The following LYRM2 variants were observed in gnomAD, a reference collection of about 807,000 sequenced individuals.
The protein encoded by LYRM2 is LYR motif containing 2.
LYRM2 carries 8 observed loss-of-function variants against 11.6 expected under a neutral mutation model. That is an observed-to-expected ratio of 0.69 (90% CI 0.40 to 1.24). LYRM2 has a LOEUF of 1.24. Ranked by LOEUF, LYRM2 falls within the 50% of genes most tolerant of loss-of-function variation. LYRM2 has a pLI of 0.01. For synonymous variants in LYRM2, 30 were observed against 36.4 expected (o/e 0.83, Z 0.63); for missense variants, 117 against 102.9 (o/e 1.14, Z -0.59).
In LYRM2 at chr6:89,637,270, T is replaced by C. The variant is rs1245264350; in HGVS notation, c.*3A>G. On this transcript the variant is annotated 3_prime_UTR_variant, in exon 3 of 3. Coordinates refer to ENST00000523377, the MANE Select transcript of LYRM2 (RefSeq NM_020466.5). ...TTGAAAATCCTTCAGAATAATGCTA[T>C]AGTTAAGATTTTGCTAAAGCAAGTG... 7.4e-7 allele frequency: 1 copy of C among 1,353,458 alleles called. No individual in the cohort carries two copies. The highest frequency in any genetic ancestry group is 1.1e-6 in the Non-Finnish European group (1 of 945,674). The allele number at this position is 1,353,458 out of a possible 1,614,324, so 83.8% of individuals were successfully genotyped here.
intron 1 of LYRM2, chr6:89,638,155 A>G (rs1017885084): frequency 1.1e-5 from 7 of 643,248 alleles, no homozygotes; most frequent in African/African-American, 9.4e-5. Flanking sequence ...AGCCTGGGCG[A>G]GAGTGAGGCC....
rs562891369 is a variant in LYRM2, at chr6:89,636,629, T to C, written c.*644A>G. The C allele has an allele frequency of 6.6e-6, 1 of 152,194 alleles. No homozygotes were observed. Among genetic ancestry groups the C allele is most frequent in the Non-Finnish European group, 1.5e-5 (1 of 68,024 alleles). The allele number at this position is 152,194 out of a possible 1,614,324, so 9.4% of individuals were successfully genotyped here. A position where few individuals can be genotyped will look rare whatever the true frequency, so the allele number is the denominator to read the frequency against. On this transcript the variant is annotated 3_prime_UTR_variant, in exon 3 of 3. Transcript: ENST00000523377. ...TGTACATCTTCACCAAGACTTATTA[T>C]TATTTCTCTTTTTAATTACAGCCAT...
At position 89,634,096 on chromosome 6, in the gene LYRM2, C is replaced by T. The variant is rs1288211648; in HGVS notation, c.*3177G>A. 6.6e-6 allele frequency: 1 copy of T among 152,196 alleles called. No homozygotes were observed. Among genetic ancestry groups the T allele is most frequent in the Non-Finnish European group, 1.5e-5 (1 of 68,034 alleles). The allele number at this position is 152,196 out of a possible 1,614,324, so 9.4% of individuals were successfully genotyped here. ...TGGACAAAGGGGAAGGACAAAACAT[C>T]ATTTGCAATAGTTAAAGGTTATGCA... On this transcript the variant is annotated 3_prime_UTR_variant, in exon 3 of 3. Transcript: ENST00000523377.
At position 89,638,435 on chromosome 6, in the gene LYRM2, T is replaced by G. The variant is rs1385051595; in HGVS notation, c.45+237A>C. The G allele has an allele frequency of 1.0e-5, 15 of 1,436,904 alleles. No homozygotes were observed. The East Asian group carries it at 3.3e-4, about 32-fold the overall frequency. The allele number at this position is 1,436,904 out of a possible 1,614,324, so 89.0% of individuals were successfully genotyped here. On this transcript the variant is annotated intron_variant, in intron 1 of 2. Coordinates refer to ENST00000523377, the MANE Select transcript of LYRM2 (RefSeq NM_020466.5). ...CACTGGGCAGCTGAGGCACCGGGAC[T>G]CAGGGAAATCAAGCGCCTGACGCTG...
chr6:89,633,827 G>A lies in LYRM2; in HGVS notation c.*3446C>T, dbSNP rs1324294372. The stretch of plus-strand genomic sequence containing the variant: ...TAAATTCCTTATTAAAAAAATGCAA[G>A]TGTGAATACTTTGTTTAGCTTACAT... On this transcript the variant is annotated 3_prime_UTR_variant, in exon 3 of 3. Coordinates refer to ENST00000523377, the MANE Select transcript of LYRM2 (RefSeq NM_020466.5). The A allele has an allele frequency of 1.3e-5, 2 of 152,212 alleles. No homozygotes were observed. The highest frequency in any genetic ancestry group is 6.5e-5 in the Admixed American group (1 of 15,284). The allele number at this position is 152,212 out of a possible 1,614,324, so 9.4% of individuals were successfully genotyped here. A position where few individuals can be genotyped will look rare whatever the true frequency, so the allele number is the denominator to read the frequency against.
chr6:89,634,059 T>C lies in LYRM2; in HGVS notation c.*3214A>G, dbSNP rs1032468540. 4 of 152,172 alleles carry C rather than the reference T, an allele frequency of 2.6e-5. No individual in the cohort carries two copies. Among genetic ancestry groups the C allele is most frequent in the African/African-American group, 9.7e-5 (4 of 41,394 alleles). 9.4% of individuals were successfully genotyped at this position (152,172 alleles called of 1,614,324 possible). A position where few individuals can be genotyped will look rare whatever the true frequency, so the allele number is the denominator to read the frequency against. On this transcript the variant is annotated 3_prime_UTR_variant, in exon 3 of 3. Coordinates refer to ENST00000523377, the MANE Select transcript of LYRM2 (RefSeq NM_020466.5). ...GCTTAAATGTTTAAACTGTTGACCA[T>C]TTGGAAAATACTGGACAAAGGGGAA...
rs145492547 is a variant in LYRM2 at position 89,632,371 on chromosome 6, A to ATAAC, written c.*4901_*4902insGTTA. Reference sequence around the variant, plus strand: ...AGATATAGACATTCCTAAAAGAAAAATAATTCAGTAGATATATGTCACTGT... The same window carrying ATAAC: ...AGATATAGACATTCCTAAAAGAAAAATAACTAATTCAGTAGATATATGTCACTGT... On this transcript the variant is annotated 3_prime_UTR_variant, in exon 3 of 3. Coordinates refer to ENST00000523377, the MANE Select transcript of LYRM2 (RefSeq NM_020466.5). The ATAAC allele has an allele frequency of 2.3e-4, 35 of 152,036 alleles. No individual in the cohort carries two copies. Among genetic ancestry groups the ATAAC allele is most frequent in the African/African-American group, 8.2e-4 (34 of 41,464 alleles). The allele number at this position is 152,036 out of a possible 1,614,324, so 9.4% of individuals were successfully genotyped here.
chr6:89,638,269 T>A (rs1243296813), intron 1 of LYRM2: 13 of 1,143,058 alleles, frequency 1.1e-5, no homozygotes, highest in Non-Finnish European at 1.3e-5. Context: ...AGGAGCTGCC[T>A]ACCGGGCTGA....
At chr6:89,638,625 G>A in intron 1 of LYRM2, 47 bp downstream of exon 1, 1 of 1,612,886 alleles carries the variant, frequency 6.2e-7, no homozygotes, top group Non-Finnish European at 8.5e-7. Flanking sequence ...GGAGAATCCA[G>A]CTCAGACCCA....
rs1251989982 is a variant in LYRM2, at chr6:89,633,291, A to G, written c.*3982T>C. ...GAGATGGCAACATCTATTAAGACCA[A>G]TGCAATACCTTTTCATCTTCAGCAA... On this transcript the variant is annotated 3_prime_UTR_variant, in exon 3 of 3. Coordinates refer to ENST00000523377, the MANE Select transcript of LYRM2 (RefSeq NM_020466.5). 2.0e-5 allele frequency: 3 copies of G among 152,184 alleles called. No homozygotes were observed. The highest frequency in any genetic ancestry group is 2.1e-4 in the South Asian group (1 of 4,820). The allele number at this position is 152,184 out of a possible 1,614,324, so 9.4% of individuals were successfully genotyped here.
chr6:89,638,550 A>G, intron 1 of LYRM2, 122 bp downstream of exon 1: 2 of 1,589,352 alleles, frequency 1.3e-6, no homozygotes, highest in Non-Finnish European at 1.7e-6. Context: ...CATCGGGCCA[A>G]TCTCAGAGGG....
chr6:89,638,711 A>AGCCATGTCCACCAGAGGTCCGCC lies in LYRM2; in HGVS notation c.-18_5dup (p.Ser4AspfsTer16). The AGCCATGTCCACCAGAGGTCCGCC allele has an allele frequency of 6.2e-7, 1 of 1,614,110 alleles. No individual in the cohort carries two copies. Among genetic ancestry groups the AGCCATGTCCACCAGAGGTCCGCC allele is most frequent in the Non-Finnish European group, 8.5e-7 (1 of 1,179,980 alleles). ...GCGTCGCTGGGGGTAAGCGGGAAGCAGCCATGTCCACCAGAGGTCCGCCGG... is the reference window on the plus strand; with the variant it reads ...GCGTCGCTGGGGGTAAGCGGGAAGCAGCCATGTCCACCAGAGGTCCGCCGCCATGTCCACCAGAGGTCCGCCGG... On this transcript the variant is annotated frameshift_variant, in exon 1 of 3. Transcript: ENST00000523377. LOFTEE classifies it high-confidence loss of function.
Position 89,637,323 on chromosome 6 carries a change from T to C in LYRM2, c.217A>G (p.Asn73Asp). 1 of 1,606,392 alleles carries C rather than the reference T, an allele frequency of 6.2e-7. No individual in the cohort carries two copies. The highest frequency in any genetic ancestry group is 8.5e-7 in the Non-Finnish European group (1 of 1,173,352). The change falls in exon 3 of 3, where the codon AAT becomes GAT. Residue 73 changes from asparagine to aspartate, a missense_variant. Coordinates refer to ENST00000523377, the MANE Select transcript of LYRM2 (RefSeq NM_020466.5). The part of the protein sequence containing the change: ...DTIRMMITQG[N>D]MQLKELEKTL... The stretch of plus-strand genomic sequence containing the variant: ...TTTTCTAACTCCTTGAGCTGCATAT[T>C]GCCTTGAGTAATCATCATCCGGATT...
intron 2 of LYRM2, 32 bp from the exon 3 acceptor site, chr6:89,637,385 T>G: frequency 7.1e-7 from 1 of 1,405,748 alleles, no homozygotes; most frequent in Non-Finnish European, 1.0e-6. Flanking sequence ...GGTTATAGTT[T>G]TACCTGGTTA....
At chr6:89,638,073 G>A (rs1187931276) in intron 1 of LYRM2, among the ~76,000 whole-genome samples, 191 bp from the exon 2 acceptor site, 7 of 152,104 alleles carry the variant, frequency 4.6e-5, no homozygotes, top group Non-Finnish European at 1.0e-4. Flanking sequence ...CACTTTGGGA[G>A]GCCAAGATGG....
At chr6:89,638,588 C>G in intron 1 of LYRM2, 84 bp downstream of exon 1, 2 of 1,605,912 alleles carry the variant, frequency 1.2e-6, no homozygotes, top group Non-Finnish European at 1.7e-6. Context: ...GACCCCGGAA[C>G]CCGCCCCGTT....
In LYRM2 at chr6:89,638,431, G is replaced by A; in HGVS notation, c.45+241C>T. On this transcript the variant is annotated intron_variant, in intron 1 of 2. Transcript: ENST00000523377. ...TGGGCACTGGGCAGCTGAGGCACCG[G>A]GACTCAGGGAAATCAAGCGCCTGAC... The A allele has an allele frequency of 2.8e-6, 4 of 1,432,844 alleles. No individual in the cohort carries two copies. The South Asian group carries it at 5.8e-5, about 21-fold the overall frequency. 88.8% of individuals were successfully genotyped at this position (1,432,844 alleles called of 1,614,324 possible). A position where few individuals can be genotyped will look rare whatever the true frequency, so the allele number is the denominator to read the frequency against.
rs761864873 is a variant in LYRM2 at position 89,638,655 on chromosome 6, C to T, written c.45+17G>A. 1 of 1,614,024 alleles carries T rather than the reference C, an allele frequency of 6.2e-7. No homozygotes were observed. The highest frequency in any genetic ancestry group is 1.3e-5 in the African/African-American group (1 of 75,062). On this transcript the variant is annotated intron_variant, in intron 1 of 2. Coordinates refer to ENST00000523377, the MANE Select transcript of LYRM2 (RefSeq NM_020466.5). ...GACCCAGGTAAGCTGCTTTGGAAGG[C>T]AGAGAACCGCCGGTACCTGCTTTAA...
At position 89,633,646 on chromosome 6, in the gene LYRM2, T is replaced by G. The variant is rs1478431710; in HGVS notation, c.*3627A>C. ...ATAAATTAGTTCTAACTTTTGATTT[T>G]GGGAGCCCAAAATAAAGGGAGTGTT... is the stretch of plus-strand genomic sequence containing the variant. On this transcript the variant is annotated 3_prime_UTR_variant, in exon 3 of 3. Coordinates refer to ENST00000523377, the MANE Select transcript of LYRM2 (RefSeq NM_020466.5). The G allele has an allele frequency of 6.6e-6, 1 of 152,222 alleles. No homozygotes were observed. Among genetic ancestry groups the G allele is most frequent in the Non-Finnish European group, 1.5e-5 (1 of 68,034 alleles). 9.4% of individuals were successfully genotyped at this position (152,222 alleles called of 1,614,324 possible).
Sources: allele counts gnomAD v4.1 joint callset (sites outside exome capture counted in the v4.1 genomes callset), GRCh38; gene constraint gnomAD v4.1.1; transcripts MANE v1.5; gene names NCBI Gene and HGNC (gene_info 2026-07-23, HGNC 2026-07-21).